The following ANKRD30B variants were observed in gnomAD, a reference collection of about 807,000 sequenced individuals.
The protein encoded by ANKRD30B is ankyrin repeat domain 30B.
A neutral mutation model predicts 202.2 loss-of-function variants in ANKRD30B; 144 were observed. The observed-to-expected ratio is 0.71, with a 90% confidence interval of 0.62 to 0.82. The LOEUF (loss-of-function observed/expected upper bound fraction) is 0.82. Among genes scored for constraint, ANKRD30B ranks in the 40% least tolerant of loss-of-function variants. The pLI, the probability that ANKRD30B is intolerant of heterozygous loss-of-function variation, is 0.00. For missense variants in ANKRD30B, 1,487 were observed against 1,669.1 expected (o/e 0.89, Z 1.90); for synonymous variants, 508 against 561.3 (o/e 0.91, Z 1.34).
At chr18:14,887,379 A>G in the ANKRD30B span, among the ~76,000 whole-genome samples, 1 of 152,156 alleles carries the variant, frequency 6.6e-6, no homozygotes, top group African/African-American at 2.4e-5. Flanking sequence ...AAATTTAAAT[A>G]TACATAGTTC....
At chr18:14,748,792 T>C (rs1912912454) in intron 1 of ANKRD30B, among the ~76,000 whole-genome samples, 152 bp downstream of exon 1, 1 of 152,132 alleles carries the variant, frequency 6.6e-6, no homozygotes, top group African/African-American at 2.4e-5. Flanking sequence ...CCCGAGGTCT[T>C]GGCCTTCTTC....
In ANKRD30B at chr18:14,850,208, T is replaced by C. The variant is rs532334541; in HGVS notation, c.3396-6T>C. 2.4e-5 allele frequency: 37 copies of C among 1,513,506 alleles called. No individual in the cohort carries two copies. The highest frequency in any genetic ancestry group is 3.1e-5 in the Non-Finnish European group (35 of 1,125,978). 93.8% of individuals were successfully genotyped at this position (1,513,506 alleles called of 1,614,324 possible). A position where few individuals can be genotyped will look rare whatever the true frequency, so the allele number is the denominator to read the frequency against. On this transcript the variant is annotated splice_polypyrimidine_tract_variant and splice_region_variant and intron_variant, in intron 40 of 43. Coordinates refer to ENST00000690538, the MANE Select transcript of ANKRD30B (RefSeq NM_001367607.2). ...TGAATTTTAAGATAAGTATGTTTAA[T>C]GGCAGATTGACTTTAAATCAAGAAG... is the stretch of plus-strand genomic sequence containing the variant.
intron 8 of ANKRD30B, among the ~76,000 whole-genome samples, chr18:14,770,714 A>G (rs1966937529): frequency 6.6e-6 from 1 of 152,170 alleles, no homozygotes; most frequent in Non-Finnish European, 1.5e-5. Context: ...AGTTATCTAG[A>G]AGAGCATACT....
At chr18:14,891,275 G>A in the ANKRD30B span, among the ~76,000 whole-genome samples, 1 of 149,780 alleles carries the variant, frequency 6.7e-6, no homozygotes, top group African/African-American at 2.5e-5. Flanking sequence ...CTTCATTTTT[G>A]CTACCTGGAT....
intron 5 of ANKRD30B, 24 bp downstream of exon 5, chr18:14,757,976 A>G: frequency 3.2e-6 from 5 of 1,558,394 alleles, no homozygotes; most frequent in Non-Finnish European, 4.3e-6. Flanking sequence ...TTTAAAGGCT[A>G]GGTGAAATTT....
chr18:14,768,556 G>C (rs1916608329), intron 7 of ANKRD30B, among the ~76,000 whole-genome samples: 1 of 152,146 alleles, frequency 6.6e-6, no homozygotes, highest in South Asian at 2.1e-4. Flanking sequence ...ATAGATAGTG[G>C]AATTAAATAG....
At chr18:14,863,921 T>C in the ANKRD30B span, among the ~76,000 whole-genome samples, 1,719 of 150,968 alleles carry the variant, frequency 0.011, 34 homozygotes, top group African/African-American at 0.04. Flanking sequence ...ATTACATGGG[T>C]TTTATTCCTG....
At chr18:14,919,603 TC>T in the ANKRD30B span, among the ~76,000 whole-genome samples, 1 of 152,286 alleles carries the variant, frequency 6.6e-6, no homozygotes, top group Non-Finnish European at 1.5e-5. Flanking sequence ...CCAGCCCTGG[TC>T]CCATGGGGAA....
At chr18:14,838,045 T>G (rs1307583345) in intron 36 of ANKRD30B, among the ~76,000 whole-genome samples, 1 of 152,176 alleles carries the variant, frequency 6.6e-6, no homozygotes, top group Non-Finnish European at 1.5e-5. Context: ...AAGAAATTAT[T>G]TTCTGACATT....
the ANKRD30B span, among the ~76,000 whole-genome samples, chr18:14,862,308 C>G: frequency 1.9e-5 from 2 of 104,336 alleles, no homozygotes; most frequent in Non-Finnish European, 5.1e-5. Flanking sequence ...ACCAAAAAAA[C>G]CATACAAGGA....
chr18:14,882,160 T>C, the ANKRD30B span, among the ~76,000 whole-genome samples: 1 of 152,168 alleles, frequency 6.6e-6, no homozygotes, highest in East Asian at 1.9e-4. Context: ...GGGATTGGGT[T>C]TGGCTTGTTC....
chr18:14,899,940 C>T, the ANKRD30B span, among the ~76,000 whole-genome samples: 4,453 of 152,160 alleles, frequency 0.029, 241 homozygotes, highest in African/African-American at 0.1. Flanking sequence ...AAATGACGAA[C>T]GGATGAGTTA....
chr18:14,934,659 G>A, the ANKRD30B span, among the ~76,000 whole-genome samples: 1 of 152,146 alleles, frequency 6.6e-6, no homozygotes, highest in Non-Finnish European at 1.5e-5. Context: ...GGGCATCTGG[G>A]GCTGGGTCAG....
chr18:14,808,231 T>G, intron 24 of ANKRD30B: 1 of 348,652 alleles, frequency 2.9e-6, no homozygotes, highest in Non-Finnish European at 5.5e-6. Context: ...TCTTAATAAA[T>G]TCAACTTCTT....
At chr18:14,797,187 A>G (rs1056596726) in intron 18 of ANKRD30B, among the ~76,000 whole-genome samples, 7 of 152,124 alleles carry the variant, frequency 4.6e-5, no homozygotes, top group African/African-American at 1.4e-4. Flanking sequence ...TCATAGCACT[A>G]TCTTATCCAT....
the ANKRD30B span, among the ~76,000 whole-genome samples, chr18:14,867,543 ACCCGGCCCTTG>A: frequency 1.3e-5 from 2 of 152,002 alleles, no homozygotes; most frequent in Admixed American, 6.6e-5. Context: ...CACCATGGTT[ACCCGGCCCTTG>A]CCCTCTTGCT....
At chr18:14,758,041 C>A in intron 5 of ANKRD30B, 89 bp downstream of exon 5, 1 of 1,422,674 alleles carries the variant, frequency 7.0e-7, no homozygotes, top group African/African-American at 1.4e-5. Context: ...ACTTCATCAG[C>A]CAGAAACTAG....
the ANKRD30B span, among the ~76,000 whole-genome samples, chr18:14,899,883 A>G: frequency 1.3e-5 from 2 of 152,160 alleles, no homozygotes; most frequent in Non-Finnish European, 2.9e-5. Context: ...GCATATGACA[A>G]TGAATGAACT....
Position 14,853,799 on chromosome 18 carries a change from G to GT in ANKRD30B, c.4477-9dup, listed in dbSNP as rs1322591656. Among the ~76,000 whole-genome samples, 1 of 152,112 alleles carries GT rather than the reference G, an allele frequency of 6.6e-6. No homozygotes were observed. The highest frequency in any genetic ancestry group is 2.4e-5 in the African/African-American group (1 of 41,428). Reference sequence around the variant, plus strand: ...AGATGATTCACAAAATCAAAAACATGTCTTTTCAGGTCATTGTGAGACAAC... The same window carrying GT: ...AGATGATTCACAAAATCAAAAACATGTTCTTTTCAGGTCATTGTGAGACAAC... On this transcript the variant is annotated splice_polypyrimidine_tract_variant and intron_variant, in intron 42 of 43. Transcript: ENST00000690538.
Sources: gnomAD v4.1 joint callset for allele counts (sites outside exome capture counted in the v4.1 genomes callset) on GRCh38, gnomAD v4.1.1 for gene constraint, MANE v1.5 for transcripts, NCBI Gene and HGNC (gene_info 2026-07-23, HGNC 2026-07-21) for gene names.